CTNND2: variants seen among roughly 807,000 people sequenced by gnomAD.
The protein encoded by CTNND2 is catenin delta 2.
Under a neutral mutation model 144.4 loss-of-function variants are expected in CTNND2, and 22 were observed. The ratio of observed to expected loss-of-function variants is 0.15; its 90% CI spans 0.11 to 0.22. The LOEUF is 0.22. Ranked by LOEUF, CTNND2 falls within the 10% of genes least tolerant of loss-of-function variation. CTNND2 has a pLI of 1.00. For synonymous variants in CTNND2, 751 were observed against 695.6 expected (o/e 1.08, Z -1.25); for missense variants, 1,353 against 1,618.8 (o/e 0.84, Z 2.82).
chr5:11,404,623 T>C (rs1328361995), intron 5 of CTNND2, among the ~76,000 whole-genome samples: 1 of 104,798 alleles, frequency 9.5e-6, no homozygotes, highest in Non-Finnish European at 1.7e-5. Context: ...TTTTTTTTTT[T>C]TTTTTTTTTT....
At chr5:11,651,378 G>T (rs1170034355) in intron 2 of CTNND2, among the ~76,000 whole-genome samples, 1 of 152,226 alleles carries the variant, frequency 6.6e-6, no homozygotes, top group East Asian at 1.9e-4. Flanking sequence ...GCCTGGATAT[G>T]CAGGCAAAAG....
chr5:11,504,257 T>TTGC (rs1036031193), intron 3 of CTNND2, among the ~76,000 whole-genome samples: 1 of 152,206 alleles, frequency 6.6e-6, no homozygotes, highest in African/African-American at 2.4e-5. Context: ...TCTAATGCTG[T>TTGC]TGCTGCTGCT....
intron 3 of CTNND2, among the ~76,000 whole-genome samples, chr5:11,507,701 C>T (rs1222905797): frequency 6.6e-6 from 1 of 152,170 alleles, no homozygotes; most frequent in Admixed American, 6.5e-5. Context: ...GGAAACCAGA[C>T]AGCACAGGGT....
At chr5:11,228,944 G>C (rs1370165227) in intron 10 of CTNND2, among the ~76,000 whole-genome samples, 1 of 152,158 alleles carries the variant, frequency 6.6e-6, no homozygotes, top group African/African-American at 2.4e-5. Context: ...TAATTGGAAA[G>C]ATTGTTAGGA....
chr5:11,465,861 T>C (rs371626259), intron 3 of CTNND2, among the ~76,000 whole-genome samples: 2 of 152,224 alleles, frequency 1.3e-5, no homozygotes, highest in East Asian at 3.8e-4. Context: ...CATGGCAGAA[T>C]GCAGTTGAAG....
chr5:11,812,817 CAA>C (rs61114302), intron 1 of CTNND2, among the ~76,000 whole-genome samples: 48 of 152,146 alleles, frequency 3.2e-4, no homozygotes, highest in African/African-American at 1.1e-3. Flanking sequence ...GGGAACCACA[CAA>C]AAAAAGTTAC....
At chr5:11,361,872 C>T (rs999297248) in intron 8 of CTNND2, among the ~76,000 whole-genome samples, 12 of 152,382 alleles carry the variant, frequency 7.9e-5, no homozygotes. Flanking sequence ...AGGGAAGCAA[C>T]TGGTCTTCGA....
intron 2 of CTNND2, among the ~76,000 whole-genome samples, chr5:11,696,785 C>A (rs973660851): frequency 6.6e-6 from 1 of 152,152 alleles, no homozygotes; most frequent in African/African-American, 2.4e-5. Context: ...GTATGAACAA[C>A]CAGTAATTAG....
intron 2 of CTNND2, among the ~76,000 whole-genome samples, chr5:11,582,927 A>C (rs187450954): frequency 2.6e-5 from 4 of 152,320 alleles, no homozygotes; most frequent in African/African-American, 9.6e-5. Flanking sequence ...CACTACAATG[A>C]AGGGGCCTAT....
chr5:11,662,153 ATATG>A (rs1783260646), intron 2 of CTNND2, among the ~76,000 whole-genome samples: 2 of 144,894 alleles, frequency 1.4e-5, no homozygotes, highest in South Asian at 4.2e-4. Context: ...ATACACATAT[ATATG>A]TGTATATATG....
chr5:11,576,875 C>T (rs944634285), intron 2 of CTNND2, among the ~76,000 whole-genome samples: 3 of 152,144 alleles, frequency 2.0e-5, no homozygotes, highest in Non-Finnish European at 4.4e-5. Context: ...CCAGTCTCTT[C>T]GGTGGCTGGA....
intron 3 of CTNND2, among the ~76,000 whole-genome samples, chr5:11,564,252 CAA>C (rs1776900187): frequency 6.6e-6 from 1 of 152,188 alleles, no homozygotes; most frequent in Admixed American, 6.5e-5. Context: ...CACCATCTAA[CAA>C]GAGCGTTTTT....
chr5:11,798,449 CAT>C (rs1247853861), intron 1 of CTNND2, among the ~76,000 whole-genome samples: 6 of 152,058 alleles, frequency 3.9e-5, no homozygotes, highest in African/African-American at 9.7e-5. Context: ...TGAGAGTCCA[CAT>C]GTTTTAATGT....
At position 11,903,777 on chromosome 5, in the gene CTNND2, A is replaced by G; in HGVS notation, c.37+40T>C. 2 of 1,468,960 alleles carry G rather than the reference A, an allele frequency of 1.4e-6. No individual in the cohort carries two copies. Among genetic ancestry groups the G allele is most frequent in the Non-Finnish European group, 1.8e-6 (2 of 1,116,228 alleles). 91.0% of individuals were successfully genotyped at this position (1,468,960 alleles called of 1,614,324 possible). On this transcript the variant is annotated intron_variant, in intron 1 of 21. Coordinates refer to ENST00000304623, the MANE Select transcript of CTNND2 (RefSeq NM_001332.4). This position sits in a 1 kb window ranked among gnomAD's most constrained non-coding sequence, Gnocchi z 5.4. ...AGAGGAGGAGGACGGCGCCGGGAGG[A>G]GGCTGCGCCCGGCCCCGGCCGCCCA...
chr5:11,482,277 A>G (rs1280063452), intron 3 of CTNND2, among the ~76,000 whole-genome samples: 1 of 152,100 alleles, frequency 6.6e-6, no homozygotes, highest in Non-Finnish European at 1.5e-5. Context: ...TGATGTCTCT[A>G]TGGATAGGAA....
chr5:11,166,983 C>T lies in CTNND2; in HGVS notation c.1976-7224G>A, dbSNP rs550292386. On this transcript the variant is annotated intron_variant, in intron 11 of 21. Coordinates refer to ENST00000304623, the MANE Select transcript of CTNND2 (RefSeq NM_001332.4). ...GTAATAACAGCTCCTTAGGCCAAGG[C>T]TTCTTGTAGGAGTCCCAGGGGTTGG... Among the ~76,000 whole-genome samples, 6 of 152,324 alleles carry T rather than the reference C, an allele frequency of 3.9e-5. No homozygotes were observed. In the East Asian group the frequency reaches 1.2e-3, roughly 29 times the overall value.
chr5:11,698,295 T>A (rs111591764), intron 2 of CTNND2, among the ~76,000 whole-genome samples: 218 of 151,680 alleles, frequency 1.4e-3, no homozygotes, highest in African/African-American at 4.6e-3. Context: ...ATTATTTTTT[T>A]TTTTTTTTTT....
intron 2 of CTNND2, among the ~76,000 whole-genome samples, chr5:11,641,216 G>T (rs1210987789): frequency 1.3e-5 from 2 of 152,012 alleles, no homozygotes; most frequent in Non-Finnish European, 2.9e-5. Flanking sequence ...TAAATTCAAA[G>T]AATCAAATAT....
chr5:11,240,177 C>A (rs1742082946), intron 9 of CTNND2, among the ~76,000 whole-genome samples: 1 of 122,532 alleles, frequency 8.2e-6, no homozygotes, highest in African/African-American at 3.2e-5. Context: ...CCAACACACA[C>A]ACTCACACAC....
Sources: allele counts gnomAD v4.1 joint callset (sites outside exome capture counted in the v4.1 genomes callset), GRCh38; gene constraint gnomAD v4.1.1; non-coding constraint Gnocchi (gnomAD v3.1); transcripts MANE v1.5; gene names NCBI Gene and HGNC (gene_info 2026-07-23, HGNC 2026-07-21).